SEMA3C: variants seen among roughly 807,000 people sequenced by gnomAD.
SEMA3C encodes semaphorin 3C.
In SEMA3C, 47 loss-of-function variants were observed where a neutral mutation model predicts 89.4. The ratio of observed to expected loss-of-function variants is 0.53; its 90% CI spans 0.42 to 0.67. The LOEUF (loss-of-function observed/expected upper bound fraction) is 0.67, where lower values mean the gene tolerates loss of function less well. Among genes scored for constraint, SEMA3C ranks in the 30% least tolerant of loss-of-function variants. The pLI is 0.00. For synonymous variants in SEMA3C, 310 were observed against 320.2 expected, an observed-to-expected ratio of 0.97 and a Z score of 0.34; for missense variants, 839 against 929.1, an observed-to-expected ratio of 0.90 and a Z score of 1.26.
chr7:80,793,535 T>C (rs1331824960), intron 11 of SEMA3C: 2 of 424,504 alleles, frequency 4.7e-6, no homozygotes, highest in Non-Finnish European at 9.2e-6. Flanking sequence ...AATAACAATA[T>C]TATGACAAAA....
At chr7:80,847,621 G>A (rs1268683907) in intron 2 of SEMA3C, among the ~76,000 whole-genome samples, 1 of 152,014 alleles carries the variant, frequency 6.6e-6, no homozygotes, top group Non-Finnish European at 1.5e-5. Flanking sequence ...AACTCGCTTG[G>A]CATCCTCATT....
chr7:80,913,981 A>G (rs925158916), intron 2 of SEMA3C, among the ~76,000 whole-genome samples: 1 of 152,214 alleles, frequency 6.6e-6, no homozygotes, highest in Admixed American at 6.5e-5. Flanking sequence ...ACCCAGAGAG[A>G]GACAGGCAGA....
intron 12 of SEMA3C, among the ~76,000 whole-genome samples, chr7:80,768,465 G>C (rs1417081537): frequency 6.7e-6 from 1 of 150,304 alleles, no homozygotes; most frequent in African/African-American, 2.5e-5. Context: ...AGTGAGCCAA[G>C]ATCGCGCCAC....
At chr7:80,879,484 C>T (rs1791283611) in intron 2 of SEMA3C, among the ~76,000 whole-genome samples, 1 of 152,160 alleles carries the variant, frequency 6.6e-6, no homozygotes, top group Non-Finnish European at 1.5e-5. Context: ...TCTCAAGATG[C>T]TGCACAAGAA....
chr7:80,907,523 G>C (rs976081871), intron 2 of SEMA3C, among the ~76,000 whole-genome samples: 4 of 152,050 alleles, frequency 2.6e-5, no homozygotes, highest in African/African-American at 9.7e-5. Context: ...AATCTGGCTG[G>C]ATGGACCAAC....
intron 2 of SEMA3C, among the ~76,000 whole-genome samples, chr7:80,858,771 G>T (rs1181538041): frequency 6.6e-6 from 1 of 152,106 alleles, no homozygotes; most frequent in Non-Finnish European, 1.5e-5. Context: ...ATCCTCCTTT[G>T]TGACCTTGGA....
At chr7:80,851,293 T>C (rs1790505365) in intron 2 of SEMA3C, among the ~76,000 whole-genome samples, 1 of 151,374 alleles carries the variant, frequency 6.6e-6, no homozygotes, top group Non-Finnish European at 1.5e-5. Context: ...GATCACAAGG[T>C]CAGGAGATCG....
At chr7:80,919,129 C>G (rs1349712338), upstream of SEMA3C, 1 of 984,580 alleles carries the variant, frequency 1.0e-6, no homozygotes, top group Non-Finnish European at 1.2e-6. Flanking sequence ...GCTCCGGCTG[C>G]CCCGGCGCGC....
intron 4 of SEMA3C, among the ~76,000 whole-genome samples, chr7:80,820,601 A>C (rs1789724120): frequency 6.6e-6 from 1 of 152,160 alleles, no homozygotes; most frequent in Non-Finnish European, 1.5e-5. Context: ...ACTCTAGTCA[A>C]AGAAATTAAT....
intron 2 of SEMA3C, among the ~76,000 whole-genome samples, chr7:80,889,348 A>T (rs907126641): frequency 9.2e-5 from 14 of 152,198 alleles, no homozygotes; most frequent in Admixed American, 1.3e-4. Context: ...TGTATTCCTA[A>T]TCTTATATAC....
chr7:80,764,423 A>T (rs1428497213), intron 13 of SEMA3C, among the ~76,000 whole-genome samples: 1 of 152,180 alleles, frequency 6.6e-6, no homozygotes. Context: ...CACCACTTGA[A>T]CTACAGTGAC....
chr7:80,807,521 G>C (rs1290024463), intron 6 of SEMA3C, among the ~76,000 whole-genome samples: 2 of 152,166 alleles, frequency 1.3e-5, no homozygotes, highest in Non-Finnish European at 2.9e-5. Flanking sequence ...ACAATCTTGA[G>C]AGGATTTTTT....
At position 80,743,373 on chromosome 7, in the gene SEMA3C, G is replaced by A. The variant is rs1239217836; in HGVS notation, c.*1521C>T. On this transcript the variant is annotated 3_prime_UTR_variant, in exon 18 of 18. Coordinates refer to ENST00000265361, the MANE Select transcript of SEMA3C (RefSeq NM_006379.5). ...CATATTAATTTTGACAATGATTTTA[G>A]TTTTTGAAGTTTTAGACTGCAATAC... The A allele has an allele frequency of 6.6e-6, 1 of 151,580 alleles. No homozygotes were observed. The highest frequency in any genetic ancestry group is 2.4e-5 in the African/African-American group (1 of 41,344). 9.4% of individuals were successfully genotyped at this position (151,580 alleles called of 1,614,324 possible). A position where few individuals can be genotyped will look rare whatever the true frequency, so the allele number is the denominator to read the frequency against.
At chr7:80,836,260 T>C (rs1025465851) in intron 2 of SEMA3C, among the ~76,000 whole-genome samples, 2 of 152,202 alleles carry the variant, frequency 1.3e-5, no homozygotes, top group African/African-American at 4.8e-5. Context: ...CAGCTTCATG[T>C]AGAAGACAGA....
chr7:80,806,755 C>T (rs1789351029), intron 6 of SEMA3C, among the ~76,000 whole-genome samples: 1 of 152,138 alleles, frequency 6.6e-6, no homozygotes, highest in South Asian at 2.1e-4. Flanking sequence ...GCCCACTGAA[C>T]TGCCATGCAG....
chr7:80,785,680 C>T (rs1226177788), intron 12 of SEMA3C, among the ~76,000 whole-genome samples: 2 of 152,190 alleles, frequency 1.3e-5, no homozygotes, highest in Non-Finnish European at 1.5e-5. Flanking sequence ...AGTGCAATGG[C>T]GCAATCTTCA....
intron 4 of SEMA3C, among the ~76,000 whole-genome samples, chr7:80,821,272 A>G (rs1789739485): frequency 1.3e-5 from 2 of 152,264 alleles, no homozygotes; most frequent in Non-Finnish European, 2.9e-5. Flanking sequence ...TTTTAGAAAA[A>G]TAAACTTGAG....
intron 16 of SEMA3C, among the ~76,000 whole-genome samples, chr7:80,750,503 TAC>T (rs1281284786): frequency 4.5e-4 from 34 of 76,026 alleles, no homozygotes; most frequent in African/African-American, 1.2e-3. Flanking sequence ...CACACACACA[TAC>T]ACACACACAC....
chr7:80,901,296 T>A (rs1791874319), intron 2 of SEMA3C, among the ~76,000 whole-genome samples: 2 of 152,244 alleles, frequency 1.3e-5, no homozygotes, highest in Non-Finnish European at 2.9e-5. Context: ...AACGATTTAC[T>A]GATGTGGCTA....
Sources: allele counts gnomAD v4.1 joint callset (sites outside exome capture counted in the v4.1 genomes callset), GRCh38; gene constraint gnomAD v4.1.1; transcripts MANE v1.5; gene names NCBI Gene and HGNC (gene_info 2026-07-23, HGNC 2026-07-21).